The following ITPR1 variants were observed in gnomAD, a reference collection of about 807,000 sequenced individuals.
ITPR1 encodes the protein inositol 1,4,5-trisphosphate-gated calcium channel ITPR1.
In ITPR1, 96 loss-of-function variants were observed where a neutral mutation model predicts 318.4. The ratio of observed to expected loss-of-function variants is 0.30; its 90% CI spans 0.26 to 0.36. The LOEUF is 0.36. ITPR1 is among the 10% of genes least tolerant of loss of function. The pLI, the probability that ITPR1 is intolerant of heterozygous loss-of-function variation, is 1.00. For synonymous variants in ITPR1, 1,312 were observed against 1,289.9 expected (o/e 1.02, Z -0.37); for missense variants, 2,440 against 3,460.2 (o/e 0.71, Z 7.40).
At chr3:4,738,295 A>G (rs2043429766) in intron 44 of ITPR1, among the ~76,000 whole-genome samples, 1 of 152,270 alleles carries the variant, frequency 6.6e-6, no homozygotes, top group Admixed American at 6.5e-5. Flanking sequence ...TTATATGTCA[A>G]TCAACAAATA....
intron 2 of ITPR1, among the ~76,000 whole-genome samples, chr3:4,502,575 G>A (rs539316274): frequency 2.6e-5 from 4 of 151,854 alleles, no homozygotes; most frequent in African/African-American, 9.7e-5. Flanking sequence ...TGAGTAGCTG[G>A]GTCTACAGGC....
At chr3:4,516,377 G>A (rs1559370104) in intron 2 of ITPR1, 99 bp from the exon 3 acceptor site, 1 of 612,422 alleles carries the variant, frequency 1.6e-6, no homozygotes, top group Non-Finnish European at 2.8e-6. Context: ...TTTAAGTAAG[G>A]CGCTTTGGAA....
chr3:4,699,420 A>G (rs6442902), intron 34 of ITPR1, among the ~76,000 whole-genome samples: 60,813 of 151,804 alleles, frequency 0.4, 14,488 homozygotes, highest in Non-Finnish European at 0.56. Context: ...GACTATTTGG[A>G]TGAGGAAACC....
chr3:4,733,267 C>G (rs2043053949), intron 43 of ITPR1, 47 bp downstream of exon 43: 1 of 1,595,336 alleles, frequency 6.3e-7, no homozygotes, highest in African/African-American at 1.3e-5. Context: ...CAAGTGTGTT[C>G]TGTGATAGCT....
chr3:4,799,477 G>C (rs1191285196), intron 53 of ITPR1, among the ~76,000 whole-genome samples: 1 of 152,204 alleles, frequency 6.6e-6, no homozygotes, highest in Non-Finnish European at 1.5e-5. Context: ...CCAGCAGCTG[G>C]TGGAAGAGCT....
chr3:4,683,335 G>C (rs1451532757), intron 26 of ITPR1, 51 bp from the exon 27 acceptor site: 3 of 1,600,384 alleles, frequency 1.9e-6, no homozygotes, highest in Admixed American at 1.7e-5. Flanking sequence ...AGGGGCGTGA[G>C]AGGAGGCATT....
intron 4 of ITPR1, among the ~76,000 whole-genome samples, chr3:4,544,494 A>G (rs1323163542): frequency 6.6e-6 from 1 of 152,240 alleles, no homozygotes; most frequent in Non-Finnish European, 1.5e-5. Context: ...TTAATGAGTA[A>G]TAGGCACTTC....
intron 4 of ITPR1, among the ~76,000 whole-genome samples, chr3:4,608,900 G>A (rs2091883580): frequency 6.6e-6 from 1 of 150,390 alleles, no homozygotes; most frequent in Admixed American, 6.6e-5. Flanking sequence ...TACTTGGGAG[G>A]CTGAGGCAGG....
At chr3:4,625,488 T>C (rs1365785840) in intron 4 of ITPR1, among the ~76,000 whole-genome samples, 1 of 152,214 alleles carries the variant, frequency 6.6e-6, no homozygotes, top group Non-Finnish European at 1.5e-5. Context: ...CTTCCTTAAA[T>C]GCTTGTCCAG....
intron 26 of ITPR1, 74 bp downstream of exon 26, chr3:4,681,492 A>G (rs2094297211): frequency 1.0e-6 from 1 of 991,040 alleles, no homozygotes; most frequent in Non-Finnish European, 1.6e-6. Context: ...TCCCTTTATT[A>G]TGTTAGTAAA....
chr3:4,681,656 T>TCC (rs1553690433), intron 26 of ITPR1, among the ~76,000 whole-genome samples: 8 of 151,320 alleles, frequency 5.3e-5, no homozygotes, highest in African/African-American at 2.0e-4. Flanking sequence ...TGTGTGTGTG[T>TCC]GTCCCACCTA....
At chr3:4,547,752 C>T (rs1453788236) in intron 4 of ITPR1, among the ~76,000 whole-genome samples, 3 of 152,126 alleles carry the variant, frequency 2.0e-5, no homozygotes, top group South Asian at 2.1e-4. Flanking sequence ...AAGTATTTAC[C>T]CAGTCCGAGG....
At chr3:4,768,820 G>GC in intron 46 of ITPR1, 56 bp downstream of exon 46, 1 of 1,542,684 alleles carries the variant, frequency 6.5e-7, no homozygotes. Flanking sequence ...GCCAAGGCCT[G>GC]CCTTCCTCTG....
intron 4 of ITPR1, among the ~76,000 whole-genome samples, chr3:4,619,110 G>T (rs2092497341): frequency 6.6e-6 from 1 of 152,056 alleles, no homozygotes; most frequent in Admixed American, 6.5e-5. Flanking sequence ...GAGCTTCCAG[G>T]GTTGCTGTGA....
chr3:4,635,135 G>T (rs1359858210), intron 5 of ITPR1, among the ~76,000 whole-genome samples: 1 of 152,206 alleles, frequency 6.6e-6, no homozygotes, highest in Non-Finnish European at 1.5e-5. Context: ...ACGTTAGGTA[G>T]GGAGTGATAT....
At chr3:4,800,141 G>A in intron 53 of ITPR1, 1 of 429,962 alleles carries the variant, frequency 2.3e-6, no homozygotes, top group Non-Finnish European at 4.1e-6. Context: ...TTGTGGGGAG[G>A]AAGGGGATTG....
intron 4 of ITPR1, among the ~76,000 whole-genome samples, chr3:4,540,169 T>C (rs1228689593): frequency 1.3e-5 from 2 of 152,140 alleles, no homozygotes; most frequent in Non-Finnish European, 2.9e-5. Flanking sequence ...AATGAGGTTA[T>C]ATTAGTAAAT....
chr3:4,736,243 T>C (rs2043261817), intron 44 of ITPR1, among the ~76,000 whole-genome samples: 1 of 152,240 alleles, frequency 6.6e-6, no homozygotes, highest in Non-Finnish European at 1.5e-5. Flanking sequence ...CCACATACTG[T>C]AAAATTCACC....
chr3:4,649,164 TC>T (rs1488118937), intron 10 of ITPR1, among the ~76,000 whole-genome samples: 1 of 152,132 alleles, frequency 6.6e-6, no homozygotes, highest in African/African-American at 2.4e-5. Context: ...ACATAGAAAA[TC>T]AAGAAAACAA....
Sources: gnomAD v4.1 joint callset for allele counts (sites outside exome capture counted in the v4.1 genomes callset) on GRCh38, gnomAD v4.1.1 for gene constraint, MANE v1.5 for transcripts, NCBI Gene and HGNC (gene_info 2026-07-23, HGNC 2026-07-21) for gene names.